The following TMEM132D variants were observed in gnomAD, a reference collection of about 807,000 sequenced individuals.
The protein encoded by TMEM132D is mature OL transmembrane protein.
Under a neutral mutation model 62.3 loss-of-function variants are expected in TMEM132D, and 21 were observed. That is an observed-to-expected ratio of 0.34 (90% CI 0.24 to 0.49). The LOEUF is 0.49. Ranked by LOEUF, TMEM132D falls within the 20% of genes least tolerant of loss-of-function variation. TMEM132D has a pLI of 0.99. For synonymous variants in TMEM132D, 621 were observed against 575.6 expected (o/e 1.08, Z -1.13); for missense variants, 1,346 against 1,402.8 (o/e 0.96, Z 0.65).
intron 2 of TMEM132D, among the ~76,000 whole-genome samples, chr12:129,684,617 G>C (rs1056322539): frequency 2.0e-5 from 3 of 152,208 alleles, no homozygotes; most frequent in African/African-American, 7.2e-5. Context: ...AACAGATAGA[G>C]ATTGGAAATG....
intron 3 of TMEM132D, among the ~76,000 whole-genome samples, chr12:129,344,474 A>G (rs1020022656): frequency 3.3e-5 from 5 of 152,210 alleles, no homozygotes; most frequent in African/African-American, 1.2e-4. Flanking sequence ...TAGAGGCCCA[A>G]CTTAGGGAAG....
chr12:129,084,611 C>T lies in TMEM132D; in HGVS notation c.1535G>A (p.Ser512Asn), dbSNP rs1332240310. 1 of 1,614,162 alleles carries T rather than the reference C, an allele frequency of 6.2e-7. No individual in the cohort carries two copies. The change falls in exon 6 of 9, where the codon AGC becomes AAC. Residue 512 changes from serine (S) to asparagine (N), a missense_variant. By Grantham distance (46) the Ser-to-Asn change is conservative. Transcript: ENST00000422113. The part of the protein sequence containing the change: ...VVVNFTYQHL[S>N]SPLEMTVWVP... ...CCACACCGTCATCTCCAGGGGGCTGCTCAGGTGCTGGTAGGTGAAGTTCAC... is the reference window on the plus strand; with the variant it reads ...CCACACCGTCATCTCCAGGGGGCTGTTCAGGTGCTGGTAGGTGAAGTTCAC...
intron 3 of TMEM132D, among the ~76,000 whole-genome samples, chr12:129,466,979 G>A (rs1279881476): frequency 6.6e-6 from 1 of 152,110 alleles, no homozygotes; most frequent in Non-Finnish European, 1.5e-5. Flanking sequence ...CTTTTGGTTG[G>A]ATGAATAGTC....
At chr12:129,799,382 A>G (rs1035123603) in intron 1 of TMEM132D, among the ~76,000 whole-genome samples, 2 of 1,994 alleles carry the variant, frequency 1.0e-3, no homozygotes, top group African/African-American at 1.7e-3. Flanking sequence ...GTGTATATAT[A>G]TGTGTATATA....
intron 2 of TMEM132D, among the ~76,000 whole-genome samples, chr12:129,649,178 A>C (rs1413400833): frequency 2.6e-5 from 4 of 152,190 alleles, no homozygotes; most frequent in Non-Finnish European, 4.4e-5. Context: ...TCACACTCAG[A>C]TCTCTCATTT....
At chr12:129,711,425 T>C (rs1177867041) in intron 1 of TMEM132D, among the ~76,000 whole-genome samples, 1 of 152,188 alleles carries the variant, frequency 6.6e-6, no homozygotes, top group East Asian at 1.9e-4. Flanking sequence ...GGGCGGTTGT[T>C]TAAACATGGG....
chr12:129,686,456 A>G (rs950247768), intron 2 of TMEM132D, among the ~76,000 whole-genome samples: 39 of 152,248 alleles, frequency 2.6e-4, no homozygotes, highest in African/African-American at 8.4e-4. Context: ...TTCTGCCATG[A>G]TTGTAGGTTT....
intron 4 of TMEM132D, among the ~76,000 whole-genome samples, chr12:129,302,543 C>T (rs1468837223): frequency 6.6e-6 from 1 of 152,246 alleles, no homozygotes; most frequent in Non-Finnish European, 1.5e-5. Flanking sequence ...TGATGCTGTA[C>T]TGCAGGCTGG....
intron 1 of TMEM132D, among the ~76,000 whole-genome samples, chr12:129,902,576 G>T (rs561593837): frequency 6.6e-6 from 1 of 152,200 alleles, no homozygotes; most frequent in Admixed American, 6.5e-5. Context: ...ATGGCTTCAA[G>T]TCAGGGCTCC....
chr12:129,358,814 G>T (rs1167235688), intron 3 of TMEM132D, among the ~76,000 whole-genome samples: 1 of 152,172 alleles, frequency 6.6e-6, no homozygotes, highest in Non-Finnish European at 1.5e-5. Context: ...AGAAGGAACT[G>T]CAGGCACAAA....
chr12:129,392,693 C>G (rs549510020), intron 3 of TMEM132D, among the ~76,000 whole-genome samples: 8 of 152,302 alleles, frequency 5.3e-5, no homozygotes, highest in Non-Finnish European at 1.0e-4. Flanking sequence ...GGCCCACCAC[C>G]CTTGATGGAA....
intron 5 of TMEM132D, among the ~76,000 whole-genome samples, chr12:129,196,349 T>C (rs923628392): frequency 6.6e-6 from 1 of 152,218 alleles, no homozygotes; most frequent in Non-Finnish European, 1.5e-5. Flanking sequence ...TGATTCCTTA[T>C]TGCTTTCACT....
At position 129,073,658 on chromosome 12, in the gene TMEM132D, A is replaced by G. The variant is rs1364698108; in HGVS notation, c.*217T>C. 6.9e-6 allele frequency: 3 copies of G among 436,872 alleles called. No homozygotes were observed. Among genetic ancestry groups the G allele is most frequent in the Non-Finnish European group, 1.2e-5 (3 of 249,254 alleles). 27.1% of individuals were successfully genotyped at this position (436,872 alleles called of 1,614,324 possible). A position where few individuals can be genotyped will look rare whatever the true frequency, so the allele number is the denominator to read the frequency against. On this transcript the variant is annotated 3_prime_UTR_variant, in exon 9 of 9. Coordinates refer to ENST00000422113, the MANE Select transcript of TMEM132D (RefSeq NM_133448.3). ...AGTCTTAAAAATCTTGCCATGCATG[A>G]TAAACCTCTTAAGCAAGACACTGTA...
intron 4 of TMEM132D, among the ~76,000 whole-genome samples, chr12:129,243,533 T>C (rs954681692): frequency 2.6e-4 from 40 of 152,184 alleles, no homozygotes; most frequent in African/African-American, 9.7e-4. Context: ...GCATGCAGCA[T>C]GTGTAAACAA....
intron 1 of TMEM132D, among the ~76,000 whole-genome samples, chr12:129,835,960 G>A (rs575485182): frequency 9.2e-5 from 14 of 152,360 alleles, no homozygotes; most frequent in African/African-American, 3.4e-4. Flanking sequence ...CCATCAGCCT[G>A]TTCCCTGAGC....
intron 5 of TMEM132D, among the ~76,000 whole-genome samples, chr12:129,092,017 C>T (rs1452420581): frequency 6.6e-6 from 1 of 152,232 alleles, no homozygotes; most frequent in African/African-American, 2.4e-5. Context: ...ATATGACTAA[C>T]TGTACATGTC....
intron 4 of TMEM132D, among the ~76,000 whole-genome samples, chr12:129,246,894 A>G (rs980364676): frequency 6.6e-6 from 1 of 152,206 alleles, no homozygotes; most frequent in Admixed American, 6.5e-5. Context: ...TTCTTCAGCA[A>G]TATGCTAGTT....
At chr12:129,448,038 G>A (rs377739738) in intron 3 of TMEM132D, among the ~76,000 whole-genome samples, 3 of 152,132 alleles carry the variant, frequency 2.0e-5, no homozygotes, top group Non-Finnish European at 4.4e-5. Context: ...GCTTGGCTTC[G>A]TAGATGCTCA....
rs1878146909 is a variant in TMEM132D, at chr12:129,590,065, C to T, written c.969-58860G>A. 2.0e-5 allele frequency among the ~76,000 whole-genome samples: 3 copies of T among 152,120 alleles called. No homozygotes were observed. In the South Asian group the frequency reaches 6.2e-4, roughly 32 times the overall value. On this transcript the variant is annotated intron_variant, in intron 2 of 8. Coordinates refer to ENST00000422113, the MANE Select transcript of TMEM132D (RefSeq NM_133448.3). ...TACATATTTAGTTCCTTTAATCTTT[C>T]TTCATAAATCAATTCCTTCAGTACC...
Sources: gnomAD v4.1 joint callset for allele counts (sites outside exome capture counted in the v4.1 genomes callset) on GRCh38, gnomAD v4.1.1 for gene constraint, MANE v1.5 for transcripts, NCBI Gene and HGNC (gene_info 2026-07-23, HGNC 2026-07-21) for gene names.